NF1: variants seen among roughly 807,000 people sequenced by gnomAD.
NF1 encodes the protein neurofibromin 1, also known as neurofibromin.
Under a neutral mutation model 325.7 loss-of-function variants are expected in NF1, and 122 were observed. That is an observed-to-expected ratio of 0.37 (90% CI 0.32 to 0.44). The LOEUF (loss-of-function observed/expected upper bound fraction) is 0.44. Among genes scored for constraint, NF1 ranks in the 20% least tolerant of loss-of-function variants. The pLI is 1.00. For synonymous variants in NF1, 1,091 were observed against 1,186.0 expected (o/e 0.92, Z 1.65); for missense variants, 2,140 against 3,415.4 (o/e 0.63, Z 9.31).
chr17:31,263,541 T>C (rs1257461093), intron 35 of NF1, among the ~76,000 whole-genome samples: 1 of 150,980 alleles, frequency 6.6e-6, no homozygotes, highest in Non-Finnish European at 1.5e-5. Context: ...AAATTTGACA[T>C]CACTGAGGAC....
rs557836504 is a variant in NF1 at position 31,302,133 on chromosome 17, T to TA, written c.4836-23679dup. Among the ~76,000 whole-genome samples the TA allele has an allele frequency of 6.7e-3, 1,023 of 151,866 alleles. 17 individuals carry two copies. The highest frequency in any genetic ancestry group is 0.023 in the African/African-American group (957 of 41,376). On this transcript the variant is annotated intron_variant, in intron 36 of 57. Transcript: ENST00000358273. ...TTCTTCCCCCAGCAAAGAATTTCTTTAAAAAAAATAAAAGGAAAAAAGACA... is the reference window on the plus strand; with the variant it reads ...TTCTTCCCCCAGCAAAGAATTTCTTTAAAAAAAAATAAAAGGAAAAAAGACA...
chr17:31,114,305 G>T (rs1476630113), intron 1 of NF1, among the ~76,000 whole-genome samples: 1 of 152,184 alleles, frequency 6.6e-6, no homozygotes, highest in Non-Finnish European at 1.5e-5. Context: ...TTGGGAGGCT[G>T]AGGCGGGTGG....
At chr17:31,108,711 G>A (rs977831964) in intron 1 of NF1, among the ~76,000 whole-genome samples, 2 of 151,904 alleles carry the variant, frequency 1.3e-5, no homozygotes, top group African/African-American at 2.4e-5. Flanking sequence ...TCATTTCAGC[G>A]TGATTTATTC....
chr17:31,136,575 C>T (rs1358839330), intron 1 of NF1: 1 of 152,132 alleles, frequency 6.6e-6, no homozygotes. Context: ...TCCCTTTGTC[C>T]AGTGTATCCA....
chr17:31,335,285 T>TCCTAC (rs2069626535), intron 40 of NF1, among the ~76,000 whole-genome samples: 1 of 41,078 alleles, frequency 2.4e-5, no homozygotes, highest in African/African-American at 4.3e-5. Context: ...TATATATATA[T>TCCTAC]ATATATATAT....
intron 29 of NF1, among the ~76,000 whole-genome samples, chr17:31,239,775 T>C (rs1271251250): frequency 6.6e-6 from 1 of 152,178 alleles, no homozygotes; most frequent in Non-Finnish European, 1.5e-5. Context: ...TCTTTTTTCT[T>C]TTTTGAGACA....
At chr17:31,156,158 T>C in intron 2 of NF1, 32 bp downstream of exon 2, 1 of 1,611,554 alleles carries the variant, frequency 6.2e-7, no homozygotes, top group Non-Finnish European at 8.5e-7. Context: ...TTTTGGGGAA[T>C]TTGCTTTCTT....
Position 31,374,232 on chromosome 17 carries a change from T to TC in NF1, c.*83dup, listed in dbSNP as rs1567634658. 2 of 1,586,046 alleles carry TC rather than the reference T, an allele frequency of 1.3e-6. No individual in the cohort carries two copies. The highest frequency in any genetic ancestry group is 3.4e-5 in the Admixed American group (2 of 59,642). On this transcript the variant is annotated 3_prime_UTR_variant, in exon 58 of 58. Coordinates refer to ENST00000358273, the MANE Select transcript of NF1 (RefSeq NM_001042492.3). ...TGACCCCTTCCCTGTCCTTGCCCTT[T>TC]CCCCCCATGTTGTAATGCTGCACTT...
chr17:31,117,362 C>T (rs968525458), intron 1 of NF1, among the ~76,000 whole-genome samples: 30 of 151,776 alleles, frequency 2.0e-4, no homozygotes, highest in South Asian at 6.2e-4. Context: ...TTCACTGTTA[C>T]ATTCTTTCTG....
chr17:31,318,310 A>G (rs1439955151), intron 36 of NF1: 11 of 1,605,814 alleles, frequency 6.9e-6, no homozygotes, highest in African/African-American at 1.3e-5. Flanking sequence ...TCACTAACCT[A>G]TCTGTTTGTT....
At chr17:31,189,969 C>G (rs1284229542) in intron 8 of NF1, among the ~76,000 whole-genome samples, 1 of 151,352 alleles carries the variant, frequency 6.6e-6, no homozygotes, top group Non-Finnish European at 1.5e-5. Flanking sequence ...CCATGCTGGT[C>G]AGGCTGGTCT....
chr17:31,304,236 G>A (rs1025173876), intron 36 of NF1: 3 of 1,546,798 alleles, frequency 1.9e-6, no homozygotes, highest in African/African-American at 2.8e-5. Flanking sequence ...GAGGATGGAA[G>A]ATCAGCTAAA....
intron 5 of NF1, among the ~76,000 whole-genome samples, chr17:31,171,693 T>G (rs998769298): frequency 6.6e-6 from 1 of 152,170 alleles, no homozygotes; most frequent in African/African-American, 2.4e-5. Context: ...AAACCGATAT[T>G]AAATAGGCCA....
rs1418505048 is a variant in NF1 at position 31,375,296 on chromosome 17, C to T, written c.*1141C>T. The T allele has an allele frequency of 1.3e-5, 3 of 228,476 alleles. No individual in the cohort carries two copies. Among genetic ancestry groups the T allele is most frequent in the African/African-American group, 6.7e-5 (3 of 45,080 alleles). The allele number at this position is 228,476 out of a possible 1,614,324, so 14.2% of individuals were successfully genotyped here. A position where few individuals can be genotyped will look rare whatever the true frequency, so the allele number is the denominator to read the frequency against. On this transcript the variant is annotated 3_prime_UTR_variant, in exon 58 of 58. Coordinates refer to ENST00000358273, the MANE Select transcript of NF1 (RefSeq NM_001042492.3). Reference sequence around the variant, plus strand: ...TCTTCCTCCTCCTCTCCAAAAAAATCAGAAACCTCTTTAAGAAAACATGTA... The same window carrying T: ...TCTTCCTCCTCCTCTCCAAAAAAATTAGAAACCTCTTTAAGAAAACATGTA...
At chr17:31,358,889 C>T (rs1752244043) in intron 55 of NF1, 80 bp from the exon 56 acceptor site, 2 of 1,250,196 alleles carry the variant, frequency 1.6e-6, no homozygotes, top group Non-Finnish European at 2.3e-6. Context: ...TATATATCAT[C>T]AGCTATATGA....
chr17:31,269,339 G>T lies in NF1; in HGVS notation c.4835+4000G>T, dbSNP rs114491628. 7.2e-3 allele frequency among the ~76,000 whole-genome samples: 1,095 copies of T among 152,196 alleles called. 15 individuals carry two copies. Among genetic ancestry groups the T allele is most frequent in the African/African-American group, 0.025 (1,053 of 41,500 alleles). ...TTCCATCCAATATACTTATGCTCTTGCCCTGTGGTAAGGTAGCATAATACA... is the reference window on the plus strand; with the variant it reads ...TTCCATCCAATATACTTATGCTCTTTCCCTGTGGTAAGGTAGCATAATACA... On this transcript the variant is annotated intron_variant, in intron 36 of 57. Transcript: ENST00000358273.
chr17:31,356,043 C>G (rs2070261419), intron 51 of NF1: 1 of 156,146 alleles, frequency 6.4e-6, no homozygotes, highest in African/African-American at 2.4e-5. Context: ...TTGGAAATTA[C>G]TCATGTATTA....
chr17:31,230,770 T>C (rs1181577329), intron 23 of NF1, 72 bp from the exon 24 acceptor site: 1 of 1,161,262 alleles, frequency 8.6e-7, no homozygotes, highest in East Asian at 2.5e-5. Context: ...TAAGAAATCT[T>C]ACGTGACTAA....
In NF1 at chr17:31,343,108, T is replaced by A. The variant is rs1425642121; in HGVS notation, c.7162T>A (p.Phe2388Ile). 3.7e-6 allele frequency: 6 copies of A among 1,613,986 alleles called. No homozygotes were observed. Among genetic ancestry groups the A allele is most frequent in the Admixed American group, 1.7e-5 (1 of 60,028 alleles). ...VGLNFNSNFN[F>I]ALVGHLLKGY... is the part of the protein sequence containing the mutation. ...ACTCAATTTCAACTCTAACTTTAACTTTGCATTGGTTGGACACCTTTTAAA... is the reference window on the plus strand; with the variant it reads ...ACTCAATTTCAACTCTAACTTTAACATTGCATTGGTTGGACACCTTTTAAA... Residue 2388 changes from phenylalanine (F) to isoleucine (I), a missense_variant, in exon 48 of 58, where the codon TTT becomes ATT. Transcript: ENST00000358273.
Sources: allele counts gnomAD v4.1 joint callset (sites outside exome capture counted in the v4.1 genomes callset), GRCh38; gene constraint gnomAD v4.1.1; transcripts MANE v1.5; gene names NCBI Gene and HGNC (gene_info 2026-07-23, HGNC 2026-07-21).